HMGB1: variants seen among roughly 807,000 people sequenced by gnomAD.
The protein encoded by HMGB1 is high mobility group protein B1.
For missense variants in HMGB1, 79 were observed against 253.5 expected, an observed-to-expected ratio of 0.31 and a Z score of 4.67; for synonymous variants, 81 against 84.0, an observed-to-expected ratio of 0.96 and a Z score of 0.19.
Position 30,458,361 on chromosome 13 carries a change from GCT to G in HMGB1, c.*2994_*2995del, listed in dbSNP as rs1886087886. ...TTTTTTTTTTTTGAGATGGAGTCTTGCTCTGTCACCCAGGCTGGAGTGCAGTG... is the reference window on the plus strand; with the variant it reads ...TTTTTTTTTTTTGAGATGGAGTCTTGCTGTCACCCAGGCTGGAGTGCAGTG... On this transcript the variant is annotated 3_prime_UTR_variant, in exon 5 of 5. Coordinates refer to ENST00000341423, the MANE Select transcript of HMGB1 (RefSeq NM_002128.7). 8.5e-6 allele frequency: 1 copy of G among 117,540 alleles called. No homozygotes were observed. The highest frequency in any genetic ancestry group is 1.6e-5 in the Non-Finnish European group (1 of 60,732). 7.3% of individuals were successfully genotyped at this position (117,540 alleles called of 1,614,324 possible).
At chr13:30,554,028 T>C in intron 1 of HMGB1, 1 of 1,472,118 alleles carries the variant, frequency 6.8e-7, no homozygotes, top group Non-Finnish European at 9.5e-7. Context: ...GGAGAAAGAA[T>C]CGGTTAAATG....
chr13:30,570,501 A>G (rs558686641), intron 1 of HMGB1, among the ~76,000 whole-genome samples: 56 of 152,228 alleles, frequency 3.7e-4, no homozygotes, highest in Non-Finnish European at 6.6e-4. Flanking sequence ...AAGCAATTTC[A>G]GTAAGTGTTT....
At chr13:30,465,325 C>T (rs1886707941) in intron 1 of HMGB1, 1 of 139,952 alleles carries the variant, frequency 7.1e-6, no homozygotes, top group Non-Finnish European at 1.6e-5. Context: ...CGCTCCCCGC[C>T]AGCGCCCGGC....
chr13:30,538,464 T>TTCTC (rs1491215259), intron 1 of HMGB1, among the ~76,000 whole-genome samples: 1 of 65,764 alleles, frequency 1.5e-5, no homozygotes, highest in Non-Finnish European at 2.9e-5. Flanking sequence ...CTTTCTTTCT[T>TTCTC]TCTTTCTTTC....
intron 1 of HMGB1, among the ~76,000 whole-genome samples, chr13:30,525,729 A>C (rs36011050): frequency 0.33 from 48,432 of 148,372 alleles, 7,954 homozygotes; most frequent in Non-Finnish European, 0.36. Context: ...AAAAAAAAAA[A>C]CCATCAGGTC....
intron 1 of HMGB1, among the ~76,000 whole-genome samples, chr13:30,591,905 A>G (rs1412228521): frequency 6.6e-6 from 1 of 152,182 alleles, no homozygotes; most frequent in African/African-American, 2.4e-5. Flanking sequence ...CTTATGCTTT[A>G]CAATATTGTC....
intron 1 of HMGB1, among the ~76,000 whole-genome samples, chr13:30,485,948 G>A (rs1235085298): frequency 6.6e-6 from 1 of 152,256 alleles, no homozygotes; most frequent in Middle Eastern, 3.4e-3. Flanking sequence ...TGCCTTGCCC[G>A]GGGCCATACA....
chr13:30,547,230 CT>C (rs768772084), intron 1 of HMGB1, among the ~76,000 whole-genome samples: 1 of 152,212 alleles, frequency 6.6e-6, no homozygotes, highest in Non-Finnish European at 1.5e-5. Flanking sequence ...TTGTTTTATT[CT>C]TTTCCCAAAT....
chr13:30,477,699 T>G (rs1887130092), intron 1 of HMGB1, among the ~76,000 whole-genome samples: 1 of 152,226 alleles, frequency 6.6e-6, no homozygotes. Context: ...CTAGCAGACC[T>G]GACAAATATC....
intron 4 of HMGB1, chr13:30,461,753 G>A (rs374778115): frequency 1.3e-5 from 16 of 1,225,550 alleles, no homozygotes; most frequent in African/African-American, 1.1e-4. Flanking sequence ...AAATGGCATA[G>A]TCTAATATTT....
chr13:30,593,636 G>A (rs1280036772), intron 1 of HMGB1, among the ~76,000 whole-genome samples: 1 of 152,130 alleles, frequency 6.6e-6, no homozygotes, highest in Non-Finnish European at 1.5e-5. Context: ...TTCCAATTTG[G>A]CTTCTAATAA....
rs185027047 is a variant in HMGB1 at position 30,604,055 on chromosome 13, T to C, written c.-15+12616A>G. Among the ~76,000 whole-genome samples the C allele has an allele frequency of 7.4e-4, 112 of 151,792 alleles. 1 individual carries two copies. ...AGAACATGTAAAGCGGTGATAATGC[T>C]GTGATGAAAAATAAAGCAGGGGAAG... On this transcript the variant is annotated intron_variant, in intron 1 of 4. Transcript: ENST00000405805.
At chr13:30,474,844 CTCT>C (rs1450489382) in intron 1 of HMGB1, among the ~76,000 whole-genome samples, 1 of 139,944 alleles carries the variant, frequency 7.1e-6, no homozygotes, top group Non-Finnish European at 1.5e-5. Context: ...CTCTCTCTCT[CTCT>C]TTTTTTGTTT....
At chr13:30,521,122 T>C (rs1888228669) in intron 1 of HMGB1, among the ~76,000 whole-genome samples, 1 of 152,196 alleles carries the variant, frequency 6.6e-6, no homozygotes, top group African/African-American at 2.4e-5. Flanking sequence ...AGCCCAGAAC[T>C]GATCTTTGCT....
In HMGB1 at chr13:30,493,884, G is replaced by C. The variant is rs951173415; in HGVS notation, c.-14-30190C>G. ...TCCCAGCTGCTCAGGAGGCTGAGGT[G>C]GGGGAGGGTTGCTGAGCCCAGGATT... On this transcript the variant is annotated intron_variant, in intron 1 of 4. Coordinates refer to the HMGB1 transcript ENST00000405805. 2.0e-5 allele frequency among the ~76,000 whole-genome samples: 3 copies of C among 151,986 alleles called. No homozygotes were observed. The East Asian group carries it at 5.8e-4, about 29-fold the overall frequency.
rs1454332898 is a variant in HMGB1 at position 30,591,026 on chromosome 13, CCTTT to C, written c.-15+25641_-15+25644del. Among the ~76,000 whole-genome samples, 11 of 142,130 alleles carry C rather than the reference CCTTT, an allele frequency of 7.7e-5. No homozygotes were observed. The East Asian group carries it at 2.2e-3, about 28-fold the overall frequency. 93.2% of individuals were successfully genotyped at this position (142,130 alleles called of 152,430 possible). ...TAACAGGTTAGAAAAGGAGGCAGGGCCTTTTTTTTTTTTTTTTTTTTTTTGAGAC... is the reference window on the plus strand; with the variant it reads ...TAACAGGTTAGAAAAGGAGGCAGGGCTTTTTTTTTTTTTTTTTTTTGAGAC... On this transcript the variant is annotated intron_variant, in intron 1 of 4. Coordinates refer to the HMGB1 transcript ENST00000405805.
At chr13:30,485,951 G>C (rs559358503) in intron 1 of HMGB1, among the ~76,000 whole-genome samples, 15 of 152,220 alleles carry the variant, frequency 9.9e-5, no homozygotes, top group African/African-American at 3.6e-4. Flanking sequence ...CTTGCCCGGG[G>C]CCATACACCA....
intron 1 of HMGB1, among the ~76,000 whole-genome samples, chr13:30,472,509 G>A (rs1886969649): frequency 2.0e-5 from 3 of 152,326 alleles, no homozygotes; most frequent in Admixed American, 6.5e-5. Flanking sequence ...GCTGAGGCAT[G>A]AGAATCGCTT....
intron 1 of HMGB1, among the ~76,000 whole-genome samples, chr13:30,538,510 C>CTTTCTTTCTTTCTTTATTTCTTTCTTT (rs1164550479): frequency 3.6e-5 from 3 of 82,268 alleles, no homozygotes; most frequent in African/African-American, 2.6e-4. Context: ...TTCTTTCTTT[C>CTTTCTTTCTTTCTTTATTTCTTTCTTT]CTTTCTTTCT....
Sources: gnomAD v4.1 joint callset for allele counts (sites outside exome capture counted in the v4.1 genomes callset) on GRCh38, gnomAD v4.1.1 for gene constraint, MANE v1.5 for transcripts, NCBI Gene and HGNC (gene_info 2026-07-23, HGNC 2026-07-21) for gene names.